Variants in FUT8 observed in about 807,000 individuals in gnomAD.
FUT8 encodes fucosyltransferase 8, also known as alpha-(1,6)-fucosyltransferase.
Under a neutral mutation model 71.3 loss-of-function variants are expected in FUT8, and 29 were observed. The observed-to-expected ratio is 0.41, with a 90% CI of 0.30 to 0.55. The LOEUF (loss-of-function observed/expected upper bound fraction) is 0.55, where lower values mean the gene tolerates loss of function less well. FUT8 is among the 20% of genes least tolerant of loss of function. The pLI, the probability that FUT8 is intolerant of heterozygous loss-of-function variation, is 0.34. For missense variants in FUT8, 544 were observed against 702.1 expected (o/e 0.77, Z 2.55); for synonymous variants, 254 against 239.3 (o/e 1.06, Z -0.57).
At chr14:65,393,756 G>T in the FUT8 span, among the ~76,000 whole-genome samples, 1 of 152,108 alleles carries the variant, frequency 6.6e-6, no homozygotes, top group Non-Finnish European at 1.5e-5. Context: ...AGTCCGTGTG[G>T]CATCTGTATT....
intron 3 of FUT8, among the ~76,000 whole-genome samples, chr14:65,599,312 T>C (rs1382602160): frequency 1.3e-5 from 2 of 152,214 alleles, no homozygotes; most frequent in Non-Finnish European, 2.9e-5. Context: ...AGCATTACCA[T>C]GTTTCCCCCC....
intron 2 of FUT8, among the ~76,000 whole-genome samples, chr14:65,504,338 AT>A (rs2066692362): frequency 6.6e-6 from 1 of 152,170 alleles, no homozygotes; most frequent in South Asian, 2.1e-4. Context: ...AGGGATATAT[AT>A]CTTATTTGAA....
At chr14:65,629,034 A>T (rs186577534) in intron 5 of FUT8, among the ~76,000 whole-genome samples, 6 of 152,344 alleles carry the variant, frequency 3.9e-5, no homozygotes. Context: ...AGAGTTGTGT[A>T]AAAATTTTCC....
At chr14:65,522,575 AT>A (rs1883153416) in intron 2 of FUT8, among the ~76,000 whole-genome samples, 1 of 152,030 alleles carries the variant, frequency 6.6e-6, no homozygotes. Context: ...TCAAAATAAA[AT>A]TTTTTAAAAA....
chr14:65,372,713 G>A, the FUT8 span, among the ~76,000 whole-genome samples: 4 of 152,118 alleles, frequency 2.6e-5, no homozygotes, highest in African/African-American at 9.7e-5. Flanking sequence ...CACTGTGCCC[G>A]GCCTCCTTCT....
rs1258941303 is a variant in FUT8, at chr14:65,652,639, C to A, written c.598-16604C>A. Among the ~76,000 whole-genome samples the A allele has an allele frequency of 6.6e-6, 1 of 152,006 alleles. No homozygotes were observed. Among genetic ancestry groups the A allele is most frequent in the Admixed American group, 6.5e-5 (1 of 15,268 alleles). On this transcript the variant is annotated intron_variant, in intron 6 of 10. Coordinates refer to ENST00000673929, the MANE Select transcript of FUT8 (RefSeq NM_001371533.1). The surrounding 1 kb of genome is among the most constrained non-coding windows in gnomAD (Gnocchi z 4.0). ...AAACAACGTGTTCTTAGTGCTTAAGCACTTTTTTTTTTTTTAAATACAACC... is the reference window on the plus strand; with the variant it reads ...AAACAACGTGTTCTTAGTGCTTAAGAACTTTTTTTTTTTTTAAATACAACC...
At position 65,479,372 on chromosome 14, in the gene FUT8, G is replaced by C. The variant is rs55698845; in HGVS notation, c.-228+23654G>C. On this transcript the variant is annotated intron_variant, in intron 2 of 10. Transcript: ENST00000673929. The stretch of plus-strand genomic sequence containing the variant: ...ATAGAAACAAATCCCCTGCAGAAAG[G>C]TTGTACCAATTTACACGGTTACCTT... Among the ~76,000 whole-genome samples, 1,192 of 152,268 alleles carry C rather than the reference G, an allele frequency of 7.8e-3. 10 individuals are homozygous for C. Among genetic ancestry groups the C allele is most frequent in the African/African-American group, 0.024 (994 of 41,552 alleles).
intron 7 of FUT8, among the ~76,000 whole-genome samples, chr14:65,680,132 A>T (rs777496100): frequency 2.0e-5 from 3 of 152,216 alleles, no homozygotes; most frequent in Non-Finnish European, 4.4e-5. Context: ...AAGTTCCACG[A>T]TCTGCCATCT....
intron 1 of FUT8, among the ~76,000 whole-genome samples, chr14:65,429,962 A>C (rs2065446828): frequency 6.7e-6 from 1 of 149,740 alleles, no homozygotes; most frequent in African/African-American, 2.4e-5. Context: ...TGTCAGCGTT[A>C]TGGAAATAAA....
At chr14:65,527,757 TCTAA>T (rs1320378887) in intron 2 of FUT8, among the ~76,000 whole-genome samples, 4 of 152,342 alleles carry the variant, frequency 2.6e-5, no homozygotes, top group Admixed American at 2.0e-4. Flanking sequence ...TTGTTAGTTT[TCTAA>T]CTAACAGTCA....
At chr14:65,671,075 A>G (rs1160023539) in intron 7 of FUT8, among the ~76,000 whole-genome samples, 1 of 152,144 alleles carries the variant, frequency 6.6e-6, no homozygotes, top group Non-Finnish European at 1.5e-5. Flanking sequence ...AAGAAACTCT[A>G]CCAGCCCCAC....
chr14:65,386,503 C>CAAA, the FUT8 span, among the ~76,000 whole-genome samples: 5 of 46,862 alleles, frequency 1.1e-4, no homozygotes, highest in Non-Finnish European at 1.5e-4. Context: ...GACCTCGTCT[C>CAAA]AAAAAAAAAA....
intron 1 of FUT8, among the ~76,000 whole-genome samples, chr14:65,423,419 G>A (rs908283483): frequency 2.6e-5 from 4 of 151,850 alleles, no homozygotes; most frequent in Admixed American, 2.6e-4. Flanking sequence ...CCATCACTAC[G>A]CCAGGCTAAT....
chr14:65,607,532 G>T lies in FUT8; in HGVS notation c.204-8446G>T, dbSNP rs1471708143. ...ATCGTAAACCAATGTAGTATTCTTAGGATAAAGTTGAGATAGTCATGTATT... is the reference window on the plus strand; with the variant it reads ...ATCGTAAACCAATGTAGTATTCTTATGATAAAGTTGAGATAGTCATGTATT... On this transcript the variant is annotated intron_variant, in intron 3 of 10. Transcript: ENST00000673929. The surrounding 1 kb of genome is among the most constrained non-coding windows in gnomAD (Gnocchi z 4.1). Among the ~76,000 whole-genome samples, 1 of 151,694 alleles carries T rather than the reference G, an allele frequency of 6.6e-6. No individual in the cohort carries two copies. The highest frequency in any genetic ancestry group is 2.4e-5 in the African/African-American group (1 of 41,344).
At chr14:65,678,306 G>T (rs1174951245) in intron 7 of FUT8, among the ~76,000 whole-genome samples, 1 of 152,116 alleles carries the variant, frequency 6.6e-6, no homozygotes, top group African/African-American at 2.4e-5. Flanking sequence ...TGGCTCCCTA[G>T]CTCCCCTAGC....
intron 3 of FUT8, among the ~76,000 whole-genome samples, chr14:65,598,287 A>G (rs1049511642): frequency 6.6e-6 from 1 of 151,666 alleles, no homozygotes; most frequent in African/African-American, 2.4e-5. Context: ...TAGTGGCGTG[A>G]TCTCAGCTCA....
At chr14:65,543,411 C>T (rs1566813420) in intron 2 of FUT8, among the ~76,000 whole-genome samples, 1 of 152,038 alleles carries the variant, frequency 6.6e-6, no homozygotes, top group Non-Finnish European at 1.5e-5. Flanking sequence ...TAATAAAGAG[C>T]TTGCTCTGTT....
At chr14:65,362,685 G>A in the FUT8 span, among the ~76,000 whole-genome samples, 4,264 of 152,146 alleles carry the variant, frequency 0.028, 196 homozygotes, top group African/African-American at 0.098. Flanking sequence ...CTCATTAGCC[G>A]GGCGTGGTGG....
At position 65,467,878 on chromosome 14, in the gene FUT8, C is replaced by T. The variant is rs2066069197; in HGVS notation, c.-228+12160C>T. On this transcript the variant is annotated intron_variant, in intron 2 of 10. Coordinates refer to ENST00000673929, the MANE Select transcript of FUT8 (RefSeq NM_001371533.1). This position sits in a 1 kb window ranked among gnomAD's most constrained non-coding sequence, Gnocchi z 4.1. ...TTCCCACTGGTTCTCACAAAGTGTG[C>T]TTCTCTGGATGGAGCAGGCTGGTGC... is the stretch of plus-strand genomic sequence containing the variant. The T allele has an allele frequency of 6.3e-6, 5 of 788,162 alleles. No individual in the cohort carries two copies. In the East Asian group the frequency reaches 1.3e-4, roughly 20 times the overall value. 48.8% of individuals were successfully genotyped at this position (788,162 alleles called of 1,614,324 possible). A position where few individuals can be genotyped will look rare whatever the true frequency, so the allele number is the denominator to read the frequency against.
Sources: allele counts gnomAD v4.1 joint callset (sites outside exome capture counted in the v4.1 genomes callset), GRCh38; gene constraint gnomAD v4.1.1; non-coding constraint Gnocchi (gnomAD v3.1); transcripts MANE v1.5; gene names NCBI Gene and HGNC (gene_info 2026-07-23, HGNC 2026-07-21).